CD226: variants seen among roughly 807,000 people sequenced by gnomAD.
CD226 encodes CD226 molecule.
Under a neutral mutation model 34.9 loss-of-function variants are expected in CD226, and 24 were observed. The ratio of observed to expected loss-of-function variants is 0.69; its 90% CI spans 0.50 to 0.97. The LOEUF (loss-of-function observed/expected upper bound fraction) is 0.97. Among genes scored for constraint, CD226 ranks in the 50% least tolerant of loss-of-function variants. The pLI, the probability that CD226 is intolerant of heterozygous loss-of-function variation, is 0.00. For missense variants in CD226, 397 were observed against 412.7 expected, an observed-to-expected ratio of 0.96 and a Z score of 0.33; for synonymous variants, 148 against 147.4, an observed-to-expected ratio of 1.00 and a Z score of -0.03.
At chr18:69,933,928 A>G (rs534905083) in intron 2 of CD226, among the ~76,000 whole-genome samples, 1 of 152,374 alleles carries the variant, frequency 6.6e-6, no homozygotes, top group South Asian at 2.1e-4. Flanking sequence ...TAAAGAGAAT[A>G]AAAGGAAGAA....
At chr18:69,872,536 T>A (rs1461211235) in intron 4 of CD226, among the ~76,000 whole-genome samples, 1 of 152,126 alleles carries the variant, frequency 6.6e-6, no homozygotes, top group Non-Finnish European at 1.5e-5. Flanking sequence ...CAGGCACATA[T>A]CACTGTGACC....
At position 69,909,123 on chromosome 18, in the gene CD226, C is replaced by A. The variant is rs551411271; in HGVS notation, c.383-13078G>T. ...TATTTGTTGTCATTTACTTCCTGCC[C>A]TAAGAAACTATCCACTCCTTAAAGA... is the stretch of plus-strand genomic sequence containing the variant. On this transcript the variant is annotated intron_variant, in intron 2 of 5. Coordinates refer to ENST00000582621, the MANE Select transcript of CD226 (RefSeq NM_001303618.2). Among the ~76,000 whole-genome samples, 3 of 152,298 alleles carry A rather than the reference C, an allele frequency of 2.0e-5. No homozygotes were observed. The South Asian group carries it at 6.2e-4, about 32-fold the overall frequency.
At chr18:69,883,176 T>C (rs2051323) in intron 3 of CD226, among the ~76,000 whole-genome samples, 113,178 of 152,092 alleles carry the variant, frequency 0.74, 43,707 homozygotes, top group Non-Finnish European at 0.86. Context: ...AGTGAGACTG[T>C]CATAGATACT....
intron 2 of CD226, among the ~76,000 whole-genome samples, chr18:69,939,024 T>A (rs1236685214): frequency 6.6e-6 from 1 of 152,186 alleles, no homozygotes; most frequent in African/African-American, 2.4e-5. Flanking sequence ...AGGCAGAGGT[T>A]GCAATGAGCT....
intron 1 of CD226, among the ~76,000 whole-genome samples, chr18:69,956,370 G>C (rs2055897373): frequency 6.6e-6 from 1 of 152,168 alleles, no homozygotes; most frequent in African/African-American, 2.4e-5. Context: ...TTGGATCATG[G>C]ACATTTATTA....
intron 2 of CD226, among the ~76,000 whole-genome samples, chr18:69,928,573 G>C (rs1196919341): frequency 6.6e-6 from 1 of 152,170 alleles, no homozygotes; most frequent in Non-Finnish European, 1.5e-5. Context: ...ATGAGTACAG[G>C]TTGAGTATCC....
chr18:69,867,598 A>G (rs1983231928), intron 4 of CD226, among the ~76,000 whole-genome samples, 187 bp from the exon 5 acceptor site: 1 of 152,140 alleles, frequency 6.6e-6, no homozygotes, highest in Admixed American at 6.5e-5. Context: ...TCTTCTCCAA[A>G]TTGCTCCCAG....
chr18:69,957,906 G>A (rs1187142732), upstream of CD226, among the ~76,000 whole-genome samples: 1 of 152,182 alleles, frequency 6.6e-6, no homozygotes, highest in Non-Finnish European at 1.5e-5. Context: ...CGTCATTGAT[G>A]ACTGCCATTT....
At position 69,855,604 on chromosome 18, in the gene CD226, G is replaced by A. The variant is rs987078646; in HGVS notation, c.*8710C>T. Reference sequence around the variant, plus strand: ...GATAGACACCAACTCAGGTAGCTCAGATAACACTAAATAGAATAAATACCA... The same window carrying A: ...GATAGACACCAACTCAGGTAGCTCAAATAACACTAAATAGAATAAATACCA... On this transcript the variant is annotated 3_prime_UTR_variant, in exon 6 of 6. Transcript: ENST00000582621. 2 of 151,918 alleles carry A rather than the reference G, an allele frequency of 1.3e-5. No individual in the cohort carries two copies. Among genetic ancestry groups the A allele is most frequent in the Admixed American group, 1.3e-4 (2 of 15,250 alleles). 9.4% of individuals were successfully genotyped at this position (151,918 alleles called of 1,614,324 possible). A position where few individuals can be genotyped will look rare whatever the true frequency, so the allele number is the denominator to read the frequency against.
At chr18:69,959,541 A>G (rs550397254), upstream of CD226, among the ~76,000 whole-genome samples, 92 of 152,366 alleles carry the variant, frequency 6.0e-4, 1 homozygote, top group African/African-American at 2.2e-3. Flanking sequence ...GTAAGGAAAG[A>G]AAGAATCAAG....
chr18:69,912,964 A>G (rs2145290493), intron 2 of CD226, among the ~76,000 whole-genome samples: 1 of 152,344 alleles, frequency 6.6e-6, no homozygotes, highest in East Asian at 1.9e-4. Flanking sequence ...TAGGGAACTC[A>G]GTGCAACAAA....
intron 2 of CD226, among the ~76,000 whole-genome samples, chr18:69,930,946 C>A (rs140492013): frequency 1.3e-5 from 2 of 152,116 alleles, no homozygotes; most frequent in Admixed American, 6.5e-5. Flanking sequence ...ACAAACACTG[C>A]GGCACTATTC....
rs1471832927 is a variant in CD226 at position 69,863,602 on chromosome 18, A to G, written c.*712T>C. On this transcript the variant is annotated 3_prime_UTR_variant, in exon 6 of 6. Transcript: ENST00000582621. ...ACCCCATTTCTAGAATCCATCCCAT[A>G]TTTCACTTTTTAGTTAACAAAAATG... is the stretch of plus-strand genomic sequence containing the variant. The G allele has an allele frequency of 1.3e-5, 2 of 152,140 alleles. No individual in the cohort carries two copies. Among genetic ancestry groups the G allele is most frequent in the Non-Finnish European group, 2.9e-5 (2 of 68,026 alleles). 9.4% of individuals were successfully genotyped at this position (152,140 alleles called of 1,614,324 possible). A position where few individuals can be genotyped will look rare whatever the true frequency, so the allele number is the denominator to read the frequency against.
At chr18:69,899,395 T>G (rs1387962043) in intron 2 of CD226, among the ~76,000 whole-genome samples, 1 of 152,222 alleles carries the variant, frequency 6.6e-6, no homozygotes, top group Admixed American at 6.5e-5. Flanking sequence ...AGCCTCTGTA[T>G]AGCTAGACCA....
At chr18:69,945,529 G>A (rs947061146) in intron 2 of CD226, among the ~76,000 whole-genome samples, 1 of 152,156 alleles carries the variant, frequency 6.6e-6, no homozygotes, top group Non-Finnish European at 1.5e-5. Context: ...TGAAGAAAGT[G>A]TCCTCTCTAG....
intron 3 of CD226, among the ~76,000 whole-genome samples, chr18:69,891,002 C>G (rs1984865296): frequency 1.6e-5 from 2 of 123,406 alleles, no homozygotes; most frequent in South Asian, 5.2e-4. Flanking sequence ...ATACCAAAAC[C>G]AGACAAAGAC....
intron 3 of CD226, among the ~76,000 whole-genome samples, chr18:69,885,887 C>A (rs1376660585): frequency 1.3e-5 from 2 of 152,144 alleles, no homozygotes; most frequent in Admixed American, 1.3e-4. Flanking sequence ...AGCGAAGGAT[C>A]CCGAGCTGAA....
intron 2 of CD226, among the ~76,000 whole-genome samples, chr18:69,912,371 C>A (rs773826960): frequency 6.6e-6 from 1 of 152,190 alleles, no homozygotes; most frequent in Non-Finnish European, 1.5e-5. Flanking sequence ...CAGGAGACAT[C>A]AAAATCTGCA....
At chr18:69,916,294 C>T (rs1369060840) in intron 2 of CD226, among the ~76,000 whole-genome samples, 4 of 152,092 alleles carry the variant, frequency 2.6e-5, no homozygotes, top group Non-Finnish European at 5.9e-5. Flanking sequence ...AGTAACAAGA[C>T]AAAACCAATT....
Sources: gnomAD v4.1 joint callset for allele counts (sites outside exome capture counted in the v4.1 genomes callset) on GRCh38, gnomAD v4.1.1 for gene constraint, MANE v1.5 for transcripts, NCBI Gene and HGNC (gene_info 2026-07-23, HGNC 2026-07-21) for gene names.